F3: variants seen among roughly 807,000 people sequenced by gnomAD.
F3 encodes coagulation factor III, tissue factor.
F3 carries 18 observed loss-of-function variants against 33.5 expected under a neutral mutation model. The ratio of observed to expected loss-of-function variants is 0.54; its 90% CI spans 0.37 to 0.80. The LOEUF (loss-of-function observed/expected upper bound fraction) is 0.80. Among genes scored for constraint, F3 ranks in the 30% least tolerant of loss-of-function variants. The pLI, the probability that F3 is intolerant of heterozygous loss-of-function variation, is 0.00. For missense variants in F3, 353 were observed against 362.1 expected, an observed-to-expected ratio of 0.97 and a Z score of 0.20; for synonymous variants, 147 against 140.7, an observed-to-expected ratio of 1.05 and a Z score of -0.32.
chr1:94,540,309 T>G lies in F3; in HGVS notation c.160A>C (p.Ile54Leu), dbSNP rs114064069. Reference protein sequence around the residue: ...LTWKSTNFKTILEWEPKPVNQ... With the variant: ...LTWKSTNFKTLLEWEPKPVNQ... The stretch of plus-strand genomic sequence containing the variant: ...ACGGGTTTGGGTTCCCACTCCAAAA[T>G]TGTCTTGAAATTAGTTGATTTCCAA... The change falls in exon 2 of 6, where the codon ATT (isoleucine) becomes CTT (leucine). Residue 54 changes from isoleucine to leucine, a missense_variant. By Grantham distance (5) the Ile-to-Leu change is conservative. Coordinates refer to ENST00000334047, the MANE Select transcript of F3 (RefSeq NM_001993.5). The G allele has an allele frequency of 6.2e-7, 1 of 1,614,114 alleles. No individual in the cohort carries two copies. Among genetic ancestry groups the G allele is most frequent in the Non-Finnish European group, 8.5e-7 (1 of 1,179,996 alleles).
chr1:94,532,205 G>A, intron 5 of F3, 116 bp downstream of exon 5: 1 of 1,062,954 alleles, frequency 9.4e-7, no homozygotes, highest in East Asian at 2.6e-5. Flanking sequence ...CAGGCAGTTT[G>A]TTTTCCTGAA....
rs1651460488 is a variant in F3, at chr1:94,532,409, A to C, written c.663T>G (p.Val221=). 3 of 1,614,032 alleles carry C rather than the reference A, an allele frequency of 1.9e-6. No homozygotes were observed. Among genetic ancestry groups the C allele is most frequent in the Admixed American group, 1.7e-5 (1 of 59,986 alleles). The change falls in exon 5 of 6, where the codon GTT becomes GTG. Residue 221 remains valine (V), a synonymous_variant. Coordinates refer to ENST00000334047, the MANE Select transcript of F3 (RefSeq NM_001993.5). ...CTGTTCGGGAGGGAATCACTGCTTG[A>C]ACACTGAAACAGTAGTTTTCTCCTT... ...VDKGENYCFS[V]QAVIPSRTVN...
chr1:94,536,539 T>A (rs1651615057), intron 2 of F3, among the ~76,000 whole-genome samples: 1 of 152,196 alleles, frequency 6.6e-6, no homozygotes, highest in African/African-American at 2.4e-5. Context: ...TGAGATTGGG[T>A]GACTAGCTCA....
chr1:94,535,213 G>A (rs3917616), intron 3 of F3, among the ~76,000 whole-genome samples: 3,803 of 152,240 alleles, frequency 0.025, 75 homozygotes, highest in Non-Finnish European at 0.035. Flanking sequence ...CCTTACAAGA[G>A]AAGCTAATTT....
In F3 at chr1:94,535,404, G is replaced by A. The variant is rs565780600; in HGVS notation, c.412+561C>T. Among the ~76,000 whole-genome samples, 185 of 152,202 alleles carry A rather than the reference G, an allele frequency of 1.2e-3. No homozygotes were observed. In the Middle Eastern group the frequency reaches 0.014, roughly 11 times the overall value. On this transcript the variant is annotated intron_variant, in intron 3 of 5. Transcript: ENST00000334047. ...TATTCCACCTTTCCAAAACCAGAAC[G>A]AGGGTGACAGGCAGATGGCTGGGCA...
chr1:94,540,876 G>A, intron 1 of F3: 1 of 155,446 alleles, frequency 6.4e-6, no homozygotes, highest in Non-Finnish European at 1.4e-5. Flanking sequence ...CCACGGGGAC[G>A]TGTGGCCTGT....
At chr1:94,533,889 CAG>C (rs1180682652) in intron 3 of F3, among the ~76,000 whole-genome samples, 1 of 150,602 alleles carries the variant, frequency 6.6e-6, no homozygotes, top group Non-Finnish European at 1.5e-5. Context: ...CTTTTTTAGA[CAG>C]AGTCTCGCTC....
chr1:94,534,625 G>C (rs926147921), intron 3 of F3, among the ~76,000 whole-genome samples: 22 of 152,090 alleles, frequency 1.4e-4, no homozygotes, highest in Admixed American at 6.6e-4. Flanking sequence ...AAATATGTAG[G>C]GCTGTGAGAA....
At chr1:94,540,479 T>C in intron 1 of F3, 111 bp from the exon 2 acceptor site, 2 of 609,750 alleles carry the variant, frequency 3.3e-6, no homozygotes, top group Non-Finnish European at 5.5e-6. Flanking sequence ...ACTTTTTATT[T>C]TTCAACCACA....
rs1651777275 is a variant in F3, at chr1:94,541,537, C to T, written c.100G>A (p.Gly34Ser). 8 of 1,491,408 alleles carry T rather than the reference C, an allele frequency of 5.4e-6. No individual in the cohort carries two copies. The highest frequency in any genetic ancestry group is 1.3e-5 in the South Asian group (1 of 78,508). 92.4% of individuals were successfully genotyped at this position (1,491,408 alleles called of 1,614,324 possible). The change falls in exon 1 of 6, where the codon GGC (glycine) becomes AGC (serine). Residue 34 changes from glycine to serine, a missense_variant and splice_region_variant. Coordinates refer to ENST00000334047, the MANE Select transcript of F3 (RefSeq NM_001993.5). The part of the protein sequence containing the change: ...WVFAQVAGAS[G>S]TTNTVAAYNL... Reference sequence around the variant, plus strand: ...GCTTCCAGGGGCTGGTGCCACTCACCTGAAGCGCCGGCCACCTGGGCGAAG... The same window carrying T: ...GCTTCCAGGGGCTGGTGCCACTCACTTGAAGCGCCGGCCACCTGGGCGAAG...
intron 3 of F3, 32 bp downstream of exon 3, chr1:94,535,933 G>A (rs1269532854): frequency 1.3e-6 from 2 of 1,590,374 alleles, no homozygotes; most frequent in South Asian, 1.1e-5. Context: ...TTTCTAACAA[G>A]AATGAACGGT....
chr1:94,540,554 C>G, intron 1 of F3, 186 bp from the exon 2 acceptor site: 1 of 535,714 alleles, frequency 1.9e-6, no homozygotes, highest in East Asian at 3.2e-5. Flanking sequence ...CCTAGAATTT[C>G]TTCATGACAA....
At chr1:94,535,856 A>G (rs559731551) in intron 3 of F3, 109 bp downstream of exon 3, 1 of 1,058,566 alleles carries the variant, frequency 9.4e-7, no homozygotes, top group East Asian at 2.4e-5. Flanking sequence ...AGTTTCTGAG[A>G]AAAAAAGAAT....
intron 3 of F3, among the ~76,000 whole-genome samples, chr1:94,535,559 C>T (rs1048060929): frequency 2.0e-5 from 3 of 152,032 alleles, no homozygotes; most frequent in African/African-American, 4.8e-5. Context: ...TGGGAAAAAT[C>T]CTCAACTGGG....
chr1:94,541,342 C>T (rs1570868599), intron 1 of F3, among the ~76,000 whole-genome samples, 195 bp downstream of exon 1: 1 of 152,214 alleles, frequency 6.6e-6, no homozygotes, highest in East Asian at 1.9e-4. Context: ...CGCCAACTCC[C>T]TCCCTGCAAC....
At position 94,532,443 on chromosome 1, in the gene F3, T is replaced by C. The variant is rs185892338; in HGVS notation, c.629A>G (p.Asp210Gly). ...ACAGTAGTTTTCTCCTTTATCCACATCAATCAAAAACTCATTAGTGTTTGT... is the reference window on the plus strand; with the variant it reads ...ACAGTAGTTTTCTCCTTTATCCACACCAATCAAAAACTCATTAGTGTTTGT... ...AKTNTNEFLI[D>G]VDKGENYCFS... is the part of the protein sequence containing the mutation. Residue 210 changes from aspartate to glycine, a missense_variant, in exon 5 of 6, where the codon GAT (aspartate) becomes GGT (glycine). Coordinates refer to ENST00000334047, the MANE Select transcript of F3 (RefSeq NM_001993.5). The C allele has an allele frequency of 1.2e-6, 2 of 1,614,172 alleles. No homozygotes were observed. Among genetic ancestry groups the C allele is most frequent in the East Asian group, 2.2e-5 (1 of 44,880 alleles).
rs554918363 is a variant in F3 at position 94,536,231 on chromosome 1, G to T, written c.213-67C>A. 1.5e-4 allele frequency: 211 copies of T among 1,408,220 alleles called. 3 individuals carry two copies. The South Asian group carries it at 2.3e-3, about 15-fold the overall frequency. The allele number at this position is 1,408,220 out of a possible 1,614,324, so 87.2% of individuals were successfully genotyped here. On this transcript the variant is annotated intron_variant, in intron 2 of 5. Coordinates refer to ENST00000334047, the MANE Select transcript of F3 (RefSeq NM_001993.5). ...CAATTTGCACCCAACAAGATAGACT[G>T]CTTCCTGGCTGTGGTGTTCTGTGCT...
chr1:94,529,866 G>A lies in F3; in HGVS notation c.*594C>T, dbSNP rs370165573. The A allele has an allele frequency of 1.3e-5, 2 of 152,168 alleles. No individual in the cohort carries two copies. Among genetic ancestry groups the A allele is most frequent in the East Asian group, 3.9e-4 (2 of 5,172 alleles). The allele number at this position is 152,168 out of a possible 1,614,324, so 9.4% of individuals were successfully genotyped here. ...AGGTGGGTGGATCACCTGAGGTCAG[G>A]AATTCAAGACCAGCCTGGCCAAGAT... On this transcript the variant is annotated 3_prime_UTR_variant, in exon 6 of 6. Coordinates refer to ENST00000334047, the MANE Select transcript of F3 (RefSeq NM_001993.5).
Position 94,530,003 on chromosome 1 carries a change from G to C in F3, c.*457C>G, listed in dbSNP as rs1054033806. The C allele has an allele frequency of 3.5e-5, 5 of 144,170 alleles. No homozygotes were observed. The highest frequency in any genetic ancestry group is 1.3e-4 in the African/African-American group (5 of 38,432). 8.9% of individuals were successfully genotyped at this position (144,170 alleles called of 1,614,324 possible). A position where few individuals can be genotyped will look rare whatever the true frequency, so the allele number is the denominator to read the frequency against. On this transcript the variant is annotated 3_prime_UTR_variant, in exon 6 of 6. Coordinates refer to ENST00000334047, the MANE Select transcript of F3 (RefSeq NM_001993.5). ...GGCAGACAATTGCTTGAACCCGAGA[G>C]ACGGAGGGTGCAGTGAGCCGAGATC...
Sources: gnomAD v4.1 joint callset for allele counts (sites outside exome capture counted in the v4.1 genomes callset) on GRCh38, gnomAD v4.1.1 for gene constraint, MANE v1.5 for transcripts, NCBI Gene and HGNC (gene_info 2026-07-23, HGNC 2026-07-21) for gene names.